The following TYR variants were observed in gnomAD, a reference collection of about 807,000 sequenced individuals.
TYR encodes the protein LB24-AB.
TYR carries 58 observed loss-of-function variants against 51.5 expected under a neutral mutation model. The ratio of observed to expected loss-of-function variants is 1.13; its 90% confidence interval spans 0.91 to 1.40. TYR has a LOEUF of 1.40. Ranked by LOEUF, TYR falls within the 40% of genes most tolerant of loss-of-function variation. The probability of loss-of-function intolerance (pLI) is 0.00; values close to 1 mark genes in which losing one functional copy is unlikely to be tolerated. For synonymous variants in TYR, 263 were observed against 235.2 expected (o/e 1.12, Z -1.08); for missense variants, 732 against 647.4 (o/e 1.13, Z -1.42).
chr11:89,260,280 A>C (rs1377036198), intron 3 of TYR, among the ~76,000 whole-genome samples: 1 of 151,964 alleles, frequency 6.6e-6, no homozygotes, highest in African/African-American at 2.4e-5. Flanking sequence ...AAATGAACAA[A>C]ACCTAAGAGA....
chr11:89,223,048 G>A (rs569263123), intron 2 of TYR, among the ~76,000 whole-genome samples: 1 of 152,242 alleles, frequency 6.6e-6, no homozygotes, highest in South Asian at 2.1e-4. Flanking sequence ...AAATTTCCAA[G>A]GGTAAGTCAG....
chr11:89,236,833 C>T (rs991526689), intron 3 of TYR, among the ~76,000 whole-genome samples: 1 of 152,150 alleles, frequency 6.6e-6, no homozygotes, highest in African/African-American at 2.4e-5. Context: ...CTAGTTTGTA[C>T]ACAAACTTCA....
intron 3 of TYR, among the ~76,000 whole-genome samples, chr11:89,279,147 G>A (rs1266082003): frequency 6.6e-6 from 1 of 151,616 alleles, no homozygotes; most frequent in Admixed American, 6.6e-5. Context: ...GGCCTCAGAA[G>A]CAAAGTCTCT....
intron 4 of TYR, 149 bp from the exon 5 acceptor site, chr11:89,294,994 T>G (rs1944890465): frequency 5.3e-6 from 7 of 1,326,198 alleles, no homozygotes; most frequent in Non-Finnish European, 7.3e-6. Flanking sequence ...GTATTAGGTG[T>G]AACTTTCCCA....
At chr11:89,252,384 C>A (rs762536608) in intron 3 of TYR, among the ~76,000 whole-genome samples, 1 of 151,548 alleles carries the variant, frequency 6.6e-6, no homozygotes, top group African/African-American at 2.4e-5. Context: ...TCTCAATAAC[C>A]TAGGGCATAA....
rs187387888 is a variant in TYR at position 89,233,254 on chromosome 11, G to A, written c.1184+5284G>A. 4.8e-3 allele frequency among the ~76,000 whole-genome samples: 676 copies of A among 141,990 alleles called. 129 individuals are homozygous for A. Among genetic ancestry groups the A allele is most frequent in the African/African-American group, 0.018 (650 of 35,798 alleles). 93.2% of individuals were successfully genotyped at this position (141,990 alleles called of 152,430 possible). A position where few individuals can be genotyped will look rare whatever the true frequency, so the allele number is the denominator to read the frequency against. ...AAAAATCAAATCCTCATGTGTTCAA[G>A]TTTTATCATGAGATTGCCACAATTC... is the stretch of plus-strand genomic sequence containing the variant. On this transcript the variant is annotated intron_variant, in intron 3 of 4. Coordinates refer to ENST00000263321, the MANE Select transcript of TYR (RefSeq NM_000372.5).
chr11:89,255,818 C>A (rs983643912), intron 3 of TYR, among the ~76,000 whole-genome samples: 2 of 151,414 alleles, frequency 1.3e-5, no homozygotes, highest in Non-Finnish European at 3.0e-5. Context: ...CCTAATTAGA[C>A]CTTTGTTCAT....
chr11:89,182,269 A>C (rs1445595662), intron 1 of TYR, among the ~76,000 whole-genome samples: 3 of 152,218 alleles, frequency 2.0e-5, no homozygotes, highest in Admixed American at 1.3e-4. Flanking sequence ...TGAATTTAAC[A>C]TCAAAGAAAC....
At chr11:89,279,907 A>G (rs1363190342) in intron 3 of TYR, among the ~76,000 whole-genome samples, 22 of 151,878 alleles carry the variant, frequency 1.4e-4, no homozygotes, top group South Asian at 1.0e-3. Flanking sequence ...GAGTATCTAC[A>G]TAATTATTTG....
chr11:89,282,563 T>G (rs1944731846), intron 3 of TYR, among the ~76,000 whole-genome samples: 1 of 151,778 alleles, frequency 6.6e-6, no homozygotes, highest in East Asian at 1.9e-4. Flanking sequence ...ATTTTCTCTA[T>G]TTTACATAAC....
chr11:89,252,167 G>T (rs1296143023), intron 3 of TYR, among the ~76,000 whole-genome samples: 2 of 151,740 alleles, frequency 1.3e-5, no homozygotes, highest in African/African-American at 4.8e-5. Flanking sequence ...TTCTGTTCTA[G>T]TGAGATATTA....
chr11:89,212,184 GA>G (rs1258125379), intron 2 of TYR, among the ~76,000 whole-genome samples: 2 of 151,996 alleles, frequency 1.3e-5, no homozygotes, highest in African/African-American at 4.8e-5. Flanking sequence ...CAACAAAATA[GA>G]TAGAACATTA....
intron 1 of TYR, among the ~76,000 whole-genome samples, chr11:89,190,283 T>C (rs556458599): frequency 2.3e-4 from 35 of 152,134 alleles, no homozygotes; most frequent in Non-Finnish European, 4.9e-4. Context: ...ATAGAGATGA[T>C]AGCTCCATGT....
intron 2 of TYR, among the ~76,000 whole-genome samples, chr11:89,195,184 C>T (rs1943499454): frequency 6.6e-6 from 1 of 152,088 alleles, no homozygotes; most frequent in Non-Finnish European, 1.5e-5. Context: ...TTGATTATAC[C>T]TCAAAGTTAT....
intron 2 of TYR, among the ~76,000 whole-genome samples, chr11:89,209,088 C>T (rs374679301): frequency 5.9e-5 from 9 of 152,172 alleles, no homozygotes; most frequent in Admixed American, 4.6e-4. Context: ...TGGGACTGGT[C>T]GGACAGTGGG....
intron 3 of TYR, among the ~76,000 whole-genome samples, chr11:89,284,340 T>C (rs1434731235): frequency 6.6e-6 from 1 of 151,840 alleles, no homozygotes; most frequent in East Asian, 1.9e-4. Context: ...TTTAAATCAT[T>C]GAAAGCCTCC....
intron 2 of TYR, among the ~76,000 whole-genome samples, chr11:89,215,604 G>A (rs1218628191): frequency 6.6e-6 from 1 of 152,078 alleles, no homozygotes; most frequent in East Asian, 1.9e-4. Flanking sequence ...TTGAGTCTAA[G>A]CAATCCATTA....
intron 2 of TYR, among the ~76,000 whole-genome samples, chr11:89,220,144 T>TA (rs34422026): frequency 0.1 from 15,270 of 149,536 alleles, 1,075 homozygotes; most frequent in African/African-American, 0.2. Context: ...ACTAGGTAAT[T>TA]AAAAAAAAAA....
chr11:89,199,718 C>A (rs533150380), intron 2 of TYR, among the ~76,000 whole-genome samples: 1 of 152,306 alleles, frequency 6.6e-6, no homozygotes, highest in African/African-American at 2.4e-5. Flanking sequence ...CTGCCACCTT[C>A]TCTGTAATCT....
Sources: allele counts gnomAD v4.1 joint callset (sites outside exome capture counted in the v4.1 genomes callset), GRCh38; gene constraint gnomAD v4.1.1; transcripts MANE v1.5; gene names NCBI Gene and HGNC (gene_info 2026-07-23, HGNC 2026-07-21).